Variants in SPART observed in about 807,000 individuals in gnomAD.
SPART encodes spartin.
SPART carries 35 observed loss-of-function variants against 58.7 expected under a neutral mutation model. The observed-to-expected ratio is 0.60, with a 90% CI of 0.46 to 0.79. SPART has a LOEUF of 0.79. SPART is among the 30% of genes least tolerant of loss of function. SPART has a pLI of 0.00. For missense variants in SPART, 730 were observed against 786.1 expected (o/e 0.93, Z 0.85); for synonymous variants, 284 against 280.7 (o/e 1.01, Z -0.12).
intron 1 of SPART, among the ~76,000 whole-genome samples, chr13:36,353,138 G>A (rs1260972146): frequency 6.6e-6 from 1 of 152,152 alleles, no homozygotes; most frequent in African/African-American, 2.4e-5. Context: ...GCTGTGTTTT[G>A]TCTTGTTTTG....
intron 4 of SPART, among the ~76,000 whole-genome samples, chr13:36,328,282 T>C (rs1337031560): frequency 6.6e-6 from 1 of 152,228 alleles, no homozygotes; most frequent in Non-Finnish European, 1.5e-5. Flanking sequence ...AGATAATTAT[T>C]GAGCATTTAC....
intron 2 of SPART, among the ~76,000 whole-genome samples, chr13:36,333,234 T>C (rs1883629784): frequency 6.6e-6 from 1 of 152,120 alleles, no homozygotes; most frequent in Non-Finnish European, 1.5e-5. Flanking sequence ...TTTCTGTAAT[T>C]ATAGATTTAA....
chr13:36,347,747 C>T (rs1466775775), upstream of SPART, among the ~76,000 whole-genome samples: 1 of 152,150 alleles, frequency 6.6e-6, no homozygotes, highest in African/African-American at 2.4e-5. Flanking sequence ...AATTTCTCAT[C>T]TGACTTAAAT....
chr13:36,313,202 C>G (rs181804681), intron 6 of SPART, among the ~76,000 whole-genome samples: 12 of 152,040 alleles, frequency 7.9e-5, no homozygotes, highest in African/African-American at 2.9e-4. Flanking sequence ...TGACCCTCAA[C>G]TGCTAAGCAG....
At chr13:36,359,923 T>TTA (rs1555266090) in intron 1 of SPART, among the ~76,000 whole-genome samples, 8 of 120,334 alleles carry the variant, frequency 6.6e-5, no homozygotes, top group African/African-American at 2.6e-4. Flanking sequence ...GTTGTTAATT[T>TTA]AAAAAAAAAA....
Position 36,326,597 on chromosome 13 carries a change from T to C in SPART, c.1266A>G (p.Lys422=). The change falls in exon 5 of 9, where the codon AAA becomes AAG. Residue 422 remains lysine, a synonymous_variant. Coordinates refer to ENST00000438666, the MANE Select transcript of SPART (RefSeq NM_015087.5). ...TACCTGACAAAATGTTGTGAGCCAC[T>C]TTTTCACTCCATTCAGGTAATTCTT... ...KPKELPEWSE[K]VAHNILSGAS... 1.2e-6 allele frequency: 2 copies of C among 1,613,540 alleles called. No homozygotes were observed. Among genetic ancestry groups the C allele is most frequent in the Non-Finnish European group, 8.5e-7 (1 of 1,179,820 alleles).
intron 1 of SPART, among the ~76,000 whole-genome samples, chr13:36,360,195 T>C (rs1386730860): frequency 6.6e-6 from 1 of 151,058 alleles, no homozygotes; most frequent in Non-Finnish European, 1.5e-5. Context: ...CATGGGAGGC[T>C]GAGGCAGGAG....
At chr13:36,359,037 C>T (rs1023728160) in intron 1 of SPART, among the ~76,000 whole-genome samples, 4 of 152,158 alleles carry the variant, frequency 2.6e-5, no homozygotes, top group Non-Finnish European at 4.4e-5. Flanking sequence ...GGTGGCTATG[C>T]TTAGATGAAG....
At chr13:36,354,933 CAG>C (rs904145145) in intron 1 of SPART, among the ~76,000 whole-genome samples, 1 of 152,112 alleles carries the variant, frequency 6.6e-6, no homozygotes, top group Admixed American at 6.5e-5. Flanking sequence ...GACCTAGAAA[CAG>C]AAAATGTAAG....
chr13:36,321,721 T>C (rs1284740612), intron 5 of SPART, among the ~76,000 whole-genome samples: 1 of 152,112 alleles, frequency 6.6e-6, no homozygotes, highest in African/African-American at 2.4e-5. Flanking sequence ...ATTTTTCTTA[T>C]TAATATAAGA....
intron 1 of SPART, among the ~76,000 whole-genome samples, chr13:36,359,928 A>AAAAAC (rs1555266095): frequency 1.3e-5 from 2 of 151,268 alleles, no homozygotes; most frequent in Admixed American, 6.6e-5. Flanking sequence ...TAATTTAAAA[A>AAAAAC]AAAAAAAAAA....
intron 3 of SPART, 112 bp from the exon 4 acceptor site, chr13:36,329,629 C>T (rs1883277218): frequency 7.2e-6 from 8 of 1,118,834 alleles, no homozygotes; most frequent in Admixed American, 1.8e-5. Flanking sequence ...GTCAGTTTGG[C>T]AGTCTATCAG....
chr13:36,369,568 C>T (rs1335952452), intron 1 of SPART: 1 of 152,196 alleles, frequency 6.6e-6, no homozygotes, highest in Non-Finnish European at 1.5e-5. Flanking sequence ...AGGAAGATCT[C>T]TCTGCCCAGG....
At chr13:36,330,524 A>G (rs1883368615) in intron 3 of SPART, among the ~76,000 whole-genome samples, 1 of 152,194 alleles carries the variant, frequency 6.6e-6, no homozygotes, top group African/African-American at 2.4e-5. Flanking sequence ...GTAACTGGTT[A>G]AATAATGAAT....
chr13:36,320,172 A>G (rs1481475842), intron 5 of SPART, among the ~76,000 whole-genome samples: 2 of 152,092 alleles, frequency 1.3e-5, no homozygotes, highest in East Asian at 3.9e-4. Context: ...AGTTCTCATA[A>G]CTTCCAAAAT....
chr13:36,334,838 T>TA (rs1566130914), intron 2 of SPART, among the ~76,000 whole-genome samples, 183 bp downstream of exon 2: 1 of 152,060 alleles, frequency 6.6e-6, no homozygotes, highest in Non-Finnish European at 1.5e-5. Context: ...ATATCTTTTT[T>TA]AAAAAAAGAA....
intron 8 of SPART, among the ~76,000 whole-genome samples, chr13:36,304,961 C>T (rs1555257480): frequency 6.6e-6 from 1 of 152,014 alleles, no homozygotes; most frequent in Non-Finnish European, 1.5e-5. Flanking sequence ...TTTAATCCTC[C>T]CTTTCTAGAA....
upstream of SPART, chr13:36,346,628 A>G (rs1024106825): frequency 6.6e-6 from 1 of 152,276 alleles, no homozygotes; most frequent in African/African-American, 2.4e-5. Context: ...CGGACCCAAG[A>G]GTCACCGTAA....
At position 36,329,522 on chromosome 13, in the gene SPART, A is replaced by G. The variant is rs1471651002; in HGVS notation, c.1009-5T>C. Reference sequence around the variant, plus strand: ...TTCTGCTCTGTTCCAGTTGGCCTAGAGAATAAAGGTTTAAGCTTAACTCTA... The same window carrying G: ...TTCTGCTCTGTTCCAGTTGGCCTAGGGAATAAAGGTTTAAGCTTAACTCTA... On this transcript the variant is annotated splice_polypyrimidine_tract_variant and splice_region_variant and intron_variant, in intron 3 of 8. Coordinates refer to ENST00000438666, the MANE Select transcript of SPART (RefSeq NM_015087.5). 1 of 1,614,106 alleles carries G rather than the reference A, an allele frequency of 6.2e-7. No individual in the cohort carries two copies. Among genetic ancestry groups the G allele is most frequent in the Non-Finnish European group, 8.5e-7 (1 of 1,180,000 alleles).
Sources: allele counts gnomAD v4.1 joint callset (sites outside exome capture counted in the v4.1 genomes callset), GRCh38; gene constraint gnomAD v4.1.1; transcripts MANE v1.5; gene names NCBI Gene and HGNC (gene_info 2026-07-23, HGNC 2026-07-21).